Variants in ROBO2 observed in about 807,000 individuals in gnomAD.
ROBO2 encodes roundabout homolog 2.
In ROBO2, 53 loss-of-function variants were observed where a neutral mutation model predicts 160.8. The observed-to-expected ratio is 0.33, with a 90% CI of 0.26 to 0.41. The LOEUF (loss-of-function observed/expected upper bound fraction) is 0.41. Among genes scored for constraint, ROBO2 ranks in the 10% least tolerant of loss-of-function variants. The probability of loss-of-function intolerance (pLI) is 1.00; values close to 1 mark genes in which losing one functional copy is unlikely to be tolerated. For missense variants in ROBO2, 1,577 were observed against 1,722.4 expected (o/e 0.92, Z 1.49); for synonymous variants, 664 against 611.7 (o/e 1.09, Z -1.26).
chr3:76,153,686 C>T (rs62268948), intron 2 of ROBO2, among the ~76,000 whole-genome samples: 51,946 of 151,910 alleles, frequency 0.34, 10,765 homozygotes, highest in South Asian at 0.47. Context: ...CACATGGAGC[C>T]CAATGTGGAT....
intron 4 of ROBO2, among the ~76,000 whole-genome samples, chr3:77,492,344 A>G (rs2086229069): frequency 1.3e-5 from 2 of 152,212 alleles, no homozygotes; most frequent in Non-Finnish European, 2.9e-5. Context: ...GGTGATACAT[A>G]AAACTACTTT....
At chr3:77,516,595 A>G (rs560007204) in intron 5 of ROBO2, among the ~76,000 whole-genome samples, 44 of 151,726 alleles carry the variant, frequency 2.9e-4, no homozygotes, top group African/African-American at 1.0e-3. Flanking sequence ...TCATGTTACT[A>G]ATTTACAGAG....
At chr3:76,783,870 T>C (rs2062812441) in intron 2 of ROBO2, among the ~76,000 whole-genome samples, 1 of 151,118 alleles carries the variant, frequency 6.6e-6, no homozygotes, top group Admixed American at 6.6e-5. Context: ...GTTCACTTGA[T>C]GGTGTTTCAT....
chr3:76,209,476 T>C (rs1365946706), intron 2 of ROBO2, among the ~76,000 whole-genome samples: 2 of 152,100 alleles, frequency 1.3e-5, no homozygotes, highest in Non-Finnish European at 2.9e-5. Flanking sequence ...ATCTGTATGG[T>C]ATAGGATAAT....
intron 2 of ROBO2, among the ~76,000 whole-genome samples, chr3:77,260,052 CTTTAAATGTCTCTCA>C (rs891039886): frequency 6.6e-5 from 10 of 152,136 alleles, no homozygotes; most frequent in Admixed American, 2.6e-4. Context: ...TAGAATTTCC[CTTTAAATGTCTCTCA>C]CCTGCTATCA....
At chr3:77,052,433 A>G (rs1170952964) in intron 1 of ROBO2, among the ~76,000 whole-genome samples, 2 of 152,158 alleles carry the variant, frequency 1.3e-5, no homozygotes, top group Admixed American at 1.3e-4. Flanking sequence ...TACTCAGTGA[A>G]TAGCATCAGT....
At chr3:76,233,028 G>A (rs1206925732) in intron 2 of ROBO2, among the ~76,000 whole-genome samples, 1 of 152,048 alleles carries the variant, frequency 6.6e-6, no homozygotes, top group Non-Finnish European at 1.5e-5. Context: ...TTGAGTCATG[G>A]ATTACTGGTT....
At chr3:76,247,566 A>G (rs879263824) in intron 2 of ROBO2, among the ~76,000 whole-genome samples, 61 of 152,180 alleles carry the variant, frequency 4.0e-4, no homozygotes, top group East Asian at 1.4e-3. Context: ...TTCTTAAATA[A>G]TAAGCAGGAT....
chr3:77,430,780 T>C (rs1248755898), intron 2 of ROBO2, among the ~76,000 whole-genome samples: 2 of 152,086 alleles, frequency 1.3e-5, no homozygotes, highest in South Asian at 2.1e-4. Context: ...AATTGCCCAG[T>C]GTAAGGTATT....
intron 2 of ROBO2, among the ~76,000 whole-genome samples, chr3:76,278,219 A>G (rs1341106947): frequency 6.6e-6 from 1 of 151,990 alleles, no homozygotes; most frequent in African/African-American, 2.4e-5. Context: ...GAAAAACATT[A>G]TGATTGCCTT....
intron 2 of ROBO2, among the ~76,000 whole-genome samples, chr3:76,549,550 A>G (rs186062546): frequency 9.2e-5 from 14 of 152,336 alleles, no homozygotes; most frequent in African/African-American, 1.4e-4. Context: ...TGATATTTCA[A>G]TGTAACAAGT....
intron 2 of ROBO2, among the ~76,000 whole-genome samples, chr3:76,717,469 C>T (rs982174434): frequency 2.1e-5 from 3 of 142,370 alleles, no homozygotes; most frequent in African/African-American, 5.3e-5. Flanking sequence ...CCACCCTGGG[C>T]GACAGAGTGA....
rs553895623 is a variant in ROBO2, at chr3:77,040,646, C to T, written c.-140C>T. On this transcript the variant is annotated 5_prime_UTR_variant, in exon 1 of 26. It introduces an in-frame stop codon into an upstream open reading frame of the 5' UTR. Coordinates refer to ENST00000461745, the Ensembl canonical transcript of ROBO2. Reference sequence around the variant, plus strand: ...TCTCCACCAACCCCTTCTGATCTTGCGATTTGCTCTTCTTGACTTTAATTA... The same window carrying T: ...TCTCCACCAACCCCTTCTGATCTTGTGATTTGCTCTTCTTGACTTTAATTA... 1 of 1,543,004 alleles carries T rather than the reference C, an allele frequency of 6.5e-7. No homozygotes were observed. Among genetic ancestry groups the T allele is most frequent in the African/African-American group, 1.4e-5 (1 of 72,802 alleles).
intron 2 of ROBO2, among the ~76,000 whole-genome samples, chr3:76,977,360 G>A (rs577611474): frequency 1.3e-5 from 2 of 152,182 alleles, no homozygotes; most frequent in Non-Finnish European, 1.5e-5. Context: ...ACCAGTGAGA[G>A]GGTGAATGGT....
intron 2 of ROBO2, among the ~76,000 whole-genome samples, chr3:76,124,206 ATTG>A (rs1265361311): frequency 1.3e-5 from 2 of 152,102 alleles, no homozygotes; most frequent in Non-Finnish European, 2.9e-5. Context: ...TCCAATTAAT[ATTG>A]TTCAGGTTTT....
At chr3:77,000,305 A>G (rs1025468292) in intron 2 of ROBO2, among the ~76,000 whole-genome samples, 1 of 152,136 alleles carries the variant, frequency 6.6e-6, no homozygotes, top group African/African-American at 2.4e-5. Flanking sequence ...TGGGTCCTAT[A>G]AGAATCATTA....
chr3:76,622,227 GAAGGAAGGAAGAAAGAAAGAAAGAAAGA>G (rs1299784902), intron 2 of ROBO2, among the ~76,000 whole-genome samples: 65 of 27,544 alleles, frequency 2.4e-3, no homozygotes, highest in South Asian at 6.1e-3. Context: ...AGGAAGGAAG[GAAGGAAGGAAGAAAGAAAGAAAGAAAGA>G]AAGAAAGAAA....
chr3:76,318,270 C>T (rs1465145221), intron 2 of ROBO2, among the ~76,000 whole-genome samples: 2 of 152,032 alleles, frequency 1.3e-5, no homozygotes, highest in Non-Finnish European at 2.9e-5. Context: ...AGGTAGCAGA[C>T]GGTTGCACCA....
intron 2 of ROBO2, among the ~76,000 whole-genome samples, chr3:77,165,871 T>C (rs1232249564): frequency 6.6e-6 from 1 of 152,198 alleles, no homozygotes; most frequent in Non-Finnish European, 1.5e-5. Context: ...CCAACTTTTC[T>C]ATTTTTAAAA....
Sources: gnomAD v4.1 joint callset for allele counts (sites outside exome capture counted in the v4.1 genomes callset) on GRCh38, gnomAD v4.1.1 for gene constraint, MANE v1.5 for transcripts, NCBI Gene and HGNC (gene_info 2026-07-23, HGNC 2026-07-21) for gene names.